KLHL1: variants seen among roughly 807,000 people sequenced by gnomAD.
KLHL1 encodes the protein kelch-like protein 1.
In KLHL1, 47 loss-of-function variants were observed where a neutral mutation model predicts 77.7. That is an observed-to-expected ratio of 0.60 (90% CI 0.48 to 0.77). KLHL1 has a LOEUF of 0.77. Ranked by LOEUF, KLHL1 falls within the 30% of genes least tolerant of loss-of-function variation. The probability of loss-of-function intolerance (pLI) is 0.00; values close to 1 mark genes in which losing one functional copy is unlikely to be tolerated. For synonymous variants in KLHL1, 360 were observed against 325.2 expected (o/e 1.11, Z -1.15); for missense variants, 925 against 910.8 (o/e 1.02, Z -0.20).
intron 4 of KLHL1, among the ~76,000 whole-genome samples, chr13:69,908,826 G>T (rs889519827): frequency 4.0e-5 from 6 of 151,046 alleles, no homozygotes; most frequent in Non-Finnish European, 7.4e-5. Flanking sequence ...ATCCAGTAAT[G>T]TAGAGTTTAT....
intron 5 of KLHL1, among the ~76,000 whole-genome samples, chr13:69,844,335 A>G (rs1017157934): frequency 5.3e-5 from 8 of 151,592 alleles, no homozygotes; most frequent in African/African-American, 1.5e-4. Context: ...TTCAAATACT[A>G]TTTTCCTTTT....
At chr13:70,091,192 T>C (rs961455403) in intron 1 of KLHL1, among the ~76,000 whole-genome samples, 5 of 152,110 alleles carry the variant, frequency 3.3e-5, no homozygotes, top group Non-Finnish European at 7.4e-5. Flanking sequence ...TGTGATCTTT[T>C]GGGGTTTTGG....
At chr13:69,719,688 G>A in intron 8 of KLHL1, 107 bp from the exon 9 acceptor site, 2 of 737,464 alleles carry the variant, frequency 2.7e-6, no homozygotes, top group Admixed American at 2.8e-5. Flanking sequence ...CAAACGTGTT[G>A]GAAATATATT....
intron 8 of KLHL1, among the ~76,000 whole-genome samples, chr13:69,735,579 T>C (rs1386390788): frequency 6.7e-6 from 1 of 149,524 alleles, no homozygotes; most frequent in Non-Finnish European, 1.5e-5. Flanking sequence ...AAACACATAA[T>C]ATGTAAAATA....
chr13:69,791,473 T>C (rs530210890), intron 7 of KLHL1, among the ~76,000 whole-genome samples: 4 of 151,954 alleles, frequency 2.6e-5, no homozygotes, highest in African/African-American at 9.6e-5. Flanking sequence ...ACCCAGAATA[T>C]CCAAAAATTC....
chr13:70,043,750 G>A (rs570876008), intron 1 of KLHL1, among the ~76,000 whole-genome samples: 3 of 152,314 alleles, frequency 2.0e-5, no homozygotes, highest in South Asian at 4.1e-4. Flanking sequence ...GTAGGAGGCT[G>A]TACCATCTCA....
intron 1 of KLHL1, among the ~76,000 whole-genome samples, chr13:70,006,915 T>C (rs1224519420): frequency 2.0e-5 from 3 of 152,088 alleles, no homozygotes; most frequent in African/African-American, 7.2e-5. Flanking sequence ...CTTGCATATG[T>C]ACAAATTATT....
At chr13:69,725,153 T>C (rs1230547493) in intron 8 of KLHL1, among the ~76,000 whole-genome samples, 1 of 152,174 alleles carries the variant, frequency 6.6e-6, no homozygotes, top group African/African-American at 2.4e-5. Flanking sequence ...TTCTCTACTC[T>C]CTGACCAAGA....
chr13:69,957,196 C>T (rs896012047), intron 3 of KLHL1, among the ~76,000 whole-genome samples: 5 of 151,550 alleles, frequency 3.3e-5, no homozygotes, highest in Admixed American at 1.3e-4. Flanking sequence ...AAAATGCTCA[C>T]GAAACTGTTT....
At chr13:70,089,886 A>G (rs191166593) in intron 1 of KLHL1, among the ~76,000 whole-genome samples, 408 of 152,242 alleles carry the variant, frequency 2.7e-3, no homozygotes, top group Non-Finnish European at 4.8e-3. Flanking sequence ...TGAGAGAGAA[A>G]TTGCTAATGC....
At chr13:70,102,991 T>C (rs1347394007) in intron 1 of KLHL1, among the ~76,000 whole-genome samples, 2 of 152,184 alleles carry the variant, frequency 1.3e-5, no homozygotes, top group Admixed American at 6.5e-5. Context: ...TCAACACAGA[T>C]ATTCATATAT....
At chr13:69,842,858 A>G (rs1360214001) in intron 5 of KLHL1, among the ~76,000 whole-genome samples, 1 of 151,870 alleles carries the variant, frequency 6.6e-6, no homozygotes, top group Non-Finnish European at 1.5e-5. Flanking sequence ...CTTGGCCATA[A>G]GAAAGAATAA....
intron 8 of KLHL1, among the ~76,000 whole-genome samples, chr13:69,723,485 C>T (rs1873158398): frequency 6.6e-6 from 1 of 151,938 alleles, no homozygotes; most frequent in Non-Finnish European, 1.5e-5. Context: ...AAAGTAAGCC[C>T]AGGACCAGAT....
Position 69,896,747 on chromosome 13 carries a change from C to A in KLHL1, c.1015-14252G>T, listed in dbSNP as rs766780390. Among the ~76,000 whole-genome samples, 6 of 151,620 alleles carry A rather than the reference C, an allele frequency of 4.0e-5. No homozygotes were observed. The South Asian group carries it at 1.2e-3, about 32-fold the overall frequency. On this transcript the variant is annotated intron_variant, in intron 4 of 10. Transcript: ENST00000377844. ...GCAGTGGTGCAATCTCGGCTCACTG[C>A]AGCCTCTGCTTCCTGGGTTCAAGCA...
chr13:70,092,289 AACT>A (rs1245218571), intron 1 of KLHL1, among the ~76,000 whole-genome samples: 1 of 152,104 alleles, frequency 6.6e-6, no homozygotes, highest in African/African-American at 2.4e-5. Flanking sequence ...TACCACCCAA[AACT>A]ACTATTTTTA....
At chr13:69,854,003 A>C (rs1356481254) in intron 5 of KLHL1, among the ~76,000 whole-genome samples, 1 of 151,962 alleles carries the variant, frequency 6.6e-6, no homozygotes, top group African/African-American at 2.4e-5. Flanking sequence ...AAATAAAGGG[A>C]AATTACTTCC....
At chr13:69,740,580 T>C (rs760114859) in intron 7 of KLHL1, 24 bp from the exon 8 acceptor site, 2 of 1,546,802 alleles carry the variant, frequency 1.3e-6, no homozygotes, top group Middle Eastern at 1.7e-4. Flanking sequence ...TAAATGAATG[T>C]AGTGCCTATA....
intron 4 of KLHL1, among the ~76,000 whole-genome samples, chr13:69,904,232 C>T (rs952590495): frequency 5.3e-5 from 8 of 151,908 alleles, no homozygotes; most frequent in Admixed American, 3.9e-4. Flanking sequence ...AGTAGAATTC[C>T]TGACAATATT....
At chr13:69,805,732 T>G (rs1411005286) in intron 6 of KLHL1, among the ~76,000 whole-genome samples, 1 of 150,698 alleles carries the variant, frequency 6.6e-6, no homozygotes, top group African/African-American at 2.4e-5. Context: ...TGTTGAGAGA[T>G]ATTTGTTGAA....
Sources: allele counts gnomAD v4.1 joint callset (sites outside exome capture counted in the v4.1 genomes callset), GRCh38; gene constraint gnomAD v4.1.1; transcripts MANE v1.5; gene names NCBI Gene and HGNC (gene_info 2026-07-23, HGNC 2026-07-21).